The following TBC1D32 variants were observed in gnomAD, a reference collection of about 807,000 sequenced individuals.
TBC1D32 encodes protein broad-minded.
TBC1D32 carries 151 observed loss-of-function variants against 170.3 expected under a neutral mutation model. The observed-to-expected ratio is 0.89, with a 90% confidence interval of 0.78 to 1.01. The LOEUF is 1.01. TBC1D32 is among the 50% of genes least tolerant of loss of function. The probability of loss-of-function intolerance (pLI) is 0.00; values close to 1 mark genes in which losing one functional copy is unlikely to be tolerated. For missense variants in TBC1D32, 1,464 were observed against 1,457.1 expected (o/e 1.00, Z -0.08); for synonymous variants, 498 against 488.0 (o/e 1.02, Z -0.27).
chr6:121,191,374 A>G (rs1416340774), intron 22 of TBC1D32, among the ~76,000 whole-genome samples: 1 of 152,140 alleles, frequency 6.6e-6, no homozygotes, highest in African/African-American at 2.4e-5. Context: ...TACAGTAACC[A>G]CACCCTCAAA....
chr6:121,259,674 A>G lies in TBC1D32; in HGVS notation c.1734-3389T>C, dbSNP rs1369428155. Among the ~76,000 whole-genome samples, 6 of 152,200 alleles carry G rather than the reference A, an allele frequency of 3.9e-5. No individual in the cohort carries two copies. In the East Asian group the frequency reaches 1.2e-3, roughly 29 times the overall value. ...AAATCAAAATAACAAGCAGTAATTC[A>G]GGACATAGAGAAACCTGAATTATCA... On this transcript the variant is annotated intron_variant, in intron 15 of 31. Coordinates refer to ENST00000398212, the MANE Select transcript of TBC1D32 (RefSeq NM_152730.6).
intron 17 of TBC1D32, among the ~76,000 whole-genome samples, chr6:121,243,759 T>G (rs1347479986): frequency 2.1e-5 from 3 of 145,074 alleles, no homozygotes; most frequent in Non-Finnish European, 4.6e-5. Context: ...TATATAAAAG[T>G]CAACAAAATA....
chr6:121,270,079 A>C (rs1186179381), intron 15 of TBC1D32, among the ~76,000 whole-genome samples: 4 of 152,198 alleles, frequency 2.6e-5, no homozygotes, highest in East Asian at 1.9e-4. Context: ...ACAAAGACAC[A>C]ACATACCAGA....
intron 9 of TBC1D32, among the ~76,000 whole-genome samples, chr6:121,303,292 A>T (rs1806755749): frequency 6.6e-6 from 1 of 152,206 alleles, no homozygotes; most frequent in Non-Finnish European, 1.5e-5. Flanking sequence ...AAAATTTTTG[A>T]AGCTTTCACA....
chr6:121,321,534 G>C lies in TBC1D32; in HGVS notation c.317+99C>G, dbSNP rs1583749740. 2.5e-5 allele frequency: 28 copies of C among 1,129,852 alleles called. No individual in the cohort carries two copies. In the East Asian group the frequency reaches 7.0e-4, roughly 28 times the overall value. 70.0% of individuals were successfully genotyped at this position (1,129,852 alleles called of 1,614,324 possible). A position where few individuals can be genotyped will look rare whatever the true frequency, so the allele number is the denominator to read the frequency against. ...ATTGTTTTAAAGAATCATTCTGGCT[G>C]CTATGAGGGAAATAGACTGTGAGGG... On this transcript the variant is annotated intron_variant, in intron 2 of 31. Transcript: ENST00000398212.
chr6:121,190,948 A>G (rs1789925422), intron 22 of TBC1D32, among the ~76,000 whole-genome samples: 1 of 152,132 alleles, frequency 6.6e-6, no homozygotes, highest in Non-Finnish European at 1.5e-5. Context: ...GGGAAGAAAA[A>G]CATTTCTTTT....
rs1248377775 is a variant in TBC1D32 at position 121,321,897 on chromosome 6, C to T, written c.156-103G>A. On this transcript the variant is annotated intron_variant, in intron 1 of 31. Coordinates refer to ENST00000398212, the MANE Select transcript of TBC1D32 (RefSeq NM_152730.6). ...ACATATTAAGATTTCTTACCTTAAA[C>T]TAGGATTAAATTAGTCATTCATCAC... 5 of 1,092,676 alleles carry T rather than the reference C, an allele frequency of 4.6e-6. No homozygotes were observed. The African/African-American group carries it at 8.2e-5, about 18-fold the overall frequency. 67.7% of individuals were successfully genotyped at this position (1,092,676 alleles called of 1,614,324 possible). A position where few individuals can be genotyped will look rare whatever the true frequency, so the allele number is the denominator to read the frequency against.
intron 17 of TBC1D32, among the ~76,000 whole-genome samples, chr6:121,250,141 C>T (rs959229809): frequency 5.9e-5 from 9 of 151,606 alleles, no homozygotes; most frequent in African/African-American, 1.9e-4. Context: ...TAGGCAAGTA[C>T]GAATTCTACC....
intron 12 of TBC1D32, among the ~76,000 whole-genome samples, chr6:121,289,979 A>G (rs1228000796): frequency 1.3e-5 from 2 of 152,184 alleles, no homozygotes; most frequent in Non-Finnish European, 2.9e-5. Context: ...CCTTCCTTAC[A>G]CCTTATACAA....
At chr6:121,251,257 C>A (rs1364901126) in intron 17 of TBC1D32, among the ~76,000 whole-genome samples, 2 of 151,832 alleles carry the variant, frequency 1.3e-5, no homozygotes, top group Non-Finnish European at 2.9e-5. Context: ...CAAAAAAGAG[C>A]CCACTTAGCC....
chr6:121,327,987 A>G (rs998148122), intron 1 of TBC1D32, among the ~76,000 whole-genome samples: 1 of 152,182 alleles, frequency 6.6e-6, no homozygotes, highest in Non-Finnish European at 1.5e-5. Context: ...TGAAAAACCT[A>G]TATCATGCTT....
intron 29 of TBC1D32, among the ~76,000 whole-genome samples, chr6:121,109,317 A>G (rs1468810383): frequency 1.3e-5 from 2 of 152,158 alleles, no homozygotes; most frequent in African/African-American, 4.8e-5. Flanking sequence ...TATTGCATGA[A>G]TTTCCTGTTG....
chr6:121,231,077 A>C (rs938858544), intron 20 of TBC1D32, among the ~76,000 whole-genome samples: 2 of 152,146 alleles, frequency 1.3e-5, no homozygotes, highest in African/African-American at 4.8e-5. Context: ...TTAGAATAAT[A>C]GTCTCCAATT....
chr6:121,205,677 G>A (rs1022294467), intron 21 of TBC1D32, among the ~76,000 whole-genome samples: 2 of 152,126 alleles, frequency 1.3e-5, no homozygotes, highest in Non-Finnish European at 2.9e-5. Flanking sequence ...TTAGACTCAC[G>A]TAGGGAACTT....
At chr6:121,232,622 T>A (rs149497340) in intron 20 of TBC1D32, among the ~76,000 whole-genome samples, 1 of 152,152 alleles carries the variant, frequency 6.6e-6, no homozygotes, top group Non-Finnish European at 1.5e-5. Flanking sequence ...GTTTTCCCTG[T>A]AGAGGTCTTT....
intron 21 of TBC1D32, among the ~76,000 whole-genome samples, chr6:121,221,216 G>T (rs1794480931): frequency 6.6e-6 from 1 of 152,130 alleles, no homozygotes; most frequent in Non-Finnish European, 1.5e-5. Context: ...ATATGTGACT[G>T]CATGGGTTTA....
intron 27 of TBC1D32, 28 bp downstream of exon 27, chr6:121,115,144 A>G (rs761889375): frequency 5.8e-6 from 9 of 1,551,882 alleles, no homozygotes; most frequent in Non-Finnish European, 7.9e-6. Context: ...CTAGAAATGC[A>G]CAAGGGAGCT....
intron 29 of TBC1D32, among the ~76,000 whole-genome samples, chr6:121,111,949 A>G (rs1779246158): frequency 6.6e-6 from 1 of 152,148 alleles, no homozygotes; most frequent in Non-Finnish European, 1.5e-5. Context: ...AAACAAATAA[A>G]TAAAATAAAC....
intron 22 of TBC1D32, among the ~76,000 whole-genome samples, chr6:121,170,194 C>T (rs1448476757): frequency 6.6e-6 from 1 of 151,814 alleles, no homozygotes; most frequent in African/African-American, 2.4e-5. Flanking sequence ...AAGCAACAGA[C>T]TTGAAAGTAG....
Sources: allele counts gnomAD v4.1 joint callset (sites outside exome capture counted in the v4.1 genomes callset), GRCh38; gene constraint gnomAD v4.1.1; transcripts MANE v1.5; gene names NCBI Gene and HGNC (gene_info 2026-07-23, HGNC 2026-07-21).